PXK: variants seen among roughly 807,000 people sequenced by gnomAD.
PXK encodes the protein PX domain-containing protein kinase-like protein.
PXK carries 35 observed loss-of-function variants against 84.7 expected under a neutral mutation model. That is an observed-to-expected ratio of 0.41 (90% confidence interval 0.32 to 0.55). The LOEUF (loss-of-function observed/expected upper bound fraction) is 0.55. Ranked by LOEUF, PXK falls within the 20% of genes least tolerant of loss-of-function variation. The probability of loss-of-function intolerance (pLI) is 0.21; values close to 1 mark genes in which losing one functional copy is unlikely to be tolerated. For synonymous variants in PXK, 253 were observed against 260.8 expected (o/e 0.97, Z 0.29); for missense variants, 634 against 699.7 (o/e 0.91, Z 1.06).
chr3:58,399,458 T>C lies in PXK; in HGVS notation c.1181+81T>C, dbSNP rs2058236947. On this transcript the variant is annotated intron_variant, in intron 12 of 17. Coordinates refer to ENST00000356151, the MANE Select transcript of PXK (RefSeq NM_017771.5). This position sits in a 1 kb window ranked among gnomAD's most constrained non-coding sequence, Gnocchi z 4.3. ...CACTGTGTCCAAGCACCTGGTACTGTAGTAAAGATTCTTGCGGTCCCTGCA... is the reference window on the plus strand; with the variant it reads ...CACTGTGTCCAAGCACCTGGTACTGCAGTAAAGATTCTTGCGGTCCCTGCA... The C allele has an allele frequency of 1.4e-6, 2 of 1,421,252 alleles. No homozygotes were observed. Among genetic ancestry groups the C allele is most frequent in the South Asian group, 2.4e-5 (2 of 84,292 alleles). 88.0% of individuals were successfully genotyped at this position (1,421,252 alleles called of 1,614,324 possible).
intron 1 of PXK, among the ~76,000 whole-genome samples, chr3:58,361,295 C>CA (rs149879171): frequency 0.041 from 2,619 of 63,326 alleles, 210 homozygotes; most frequent in African/African-American, 0.14. Flanking sequence ...GACTCTGTCT[C>CA]AAAAAAAAAA....
chr3:58,399,202 G>T lies in PXK; in HGVS notation c.1103-97G>T. 1 of 1,044,436 alleles carries T rather than the reference G, an allele frequency of 9.6e-7. No homozygotes were observed. Among genetic ancestry groups the T allele is most frequent in the Non-Finnish European group, 1.5e-6 (1 of 674,814 alleles). The allele number at this position is 1,044,436 out of a possible 1,614,324, so 64.7% of individuals were successfully genotyped here. ...TTTTTGACACTGTCCTGATCAGCCC[G>T]CAGACAGTTATTGCAAAGTGGTGTT... On this transcript the variant is annotated intron_variant, in intron 11 of 17. Coordinates refer to ENST00000356151, the MANE Select transcript of PXK (RefSeq NM_017771.5). This position sits in a 1 kb window ranked among gnomAD's most constrained non-coding sequence, Gnocchi z 4.3.
At chr3:58,404,389 G>A (rs1344117578) in intron 13 of PXK, among the ~76,000 whole-genome samples, 1 of 152,160 alleles carries the variant, frequency 6.6e-6, no homozygotes, top group African/African-American at 2.4e-5. Context: ...TGTGAGGGCT[G>A]CCTGTGCACG....
At chr3:58,404,408 T>C (rs1217913512) in intron 13 of PXK, among the ~76,000 whole-genome samples, 1 of 152,180 alleles carries the variant, frequency 6.6e-6, no homozygotes, top group Non-Finnish European at 1.5e-5. Context: ...CGGTAGGATG[T>C]GAAGCAGCAT....
chr3:58,337,364 A>G (rs35741271), intron 1 of PXK, among the ~76,000 whole-genome samples: 12,200 of 152,306 alleles, frequency 0.08, 590 homozygotes, highest in South Asian at 0.1. Flanking sequence ...ATACTCATTC[A>G]TTCAACAAAA....
chr3:58,365,446 GTA>G (rs1157332566), intron 1 of PXK, among the ~76,000 whole-genome samples: 2 of 152,176 alleles, frequency 1.3e-5, no homozygotes, highest in African/African-American at 4.8e-5. Flanking sequence ...GAAAGAATGT[GTA>G]TTCTGCTGTT....
intron 3 of PXK, among the ~76,000 whole-genome samples, chr3:58,381,373 G>A (rs1164155978): frequency 6.6e-6 from 1 of 151,964 alleles, no homozygotes; most frequent in Non-Finnish European, 1.5e-5. Context: ...AACATCTCTA[G>A]GATAAGGATG....
chr3:58,365,404 C>T (rs951059123), intron 1 of PXK, among the ~76,000 whole-genome samples: 3 of 152,098 alleles, frequency 2.0e-5, no homozygotes, highest in African/African-American at 4.8e-5. Context: ...AGGATATGAT[C>T]TGTATTGGTC....
intron 1 of PXK, among the ~76,000 whole-genome samples, chr3:58,360,377 G>A (rs981770789): frequency 6.6e-6 from 1 of 152,168 alleles, no homozygotes; most frequent in Non-Finnish European, 1.5e-5. Flanking sequence ...TTAAAATGTA[G>A]TTACCAGGTT....
At chr3:58,396,191 GTAATAACCAA>G (rs1293003357) in intron 9 of PXK, among the ~76,000 whole-genome samples, 3 of 152,072 alleles carry the variant, frequency 2.0e-5, no homozygotes, top group Admixed American at 2.0e-4. Flanking sequence ...AACCTTATCA[GTAATAACCAA>G]TTTAATATCC....
intron 17 of PXK, 80 bp downstream of exon 17, chr3:58,413,043 C>T: frequency 6.8e-7 from 1 of 1,473,458 alleles, no homozygotes; most frequent in Non-Finnish European, 9.5e-7. Flanking sequence ...CTGCCTTGGC[C>T]CAACAATTTC....
Position 58,401,732 on chromosome 3 carries a change from C to T in PXK, c.1182-2130C>T, listed in dbSNP as rs2058596318. ...ACAAGGTCAGGAGATCCAGACCATC[C>T]TAGCTAACACGGTGAAACCCTGTCT... is the stretch of plus-strand genomic sequence containing the variant. On this transcript the variant is annotated intron_variant, in intron 12 of 17. Transcript: ENST00000356151. The surrounding 1 kb of genome is among the most constrained non-coding windows in gnomAD (Gnocchi z 4.4). Among the ~76,000 whole-genome samples, 1 of 151,974 alleles carries T rather than the reference C, an allele frequency of 6.6e-6. No individual in the cohort carries two copies. Among genetic ancestry groups the T allele is most frequent in the Admixed American group, 6.6e-5 (1 of 15,250 alleles).
rs35065965 is a variant in PXK, at chr3:58,395,020, C to T, written c.638C>T (p.Thr213Ile). 1,092 of 1,613,246 alleles carry T rather than the reference C, an allele frequency of 6.8e-4. 1 individual carries two copies. The highest frequency in any genetic ancestry group is 8.5e-4 in the Non-Finnish European group (1,004 of 1,179,262). Residue 213 changes from threonine (T) to isoleucine (I), a missense_variant, in exon 8 of 18, where the codon ACC (threonine) becomes ATC (isoleucine). This residue lies in a region of PXK where 353 missense variants were observed against 385.2 expected (regional missense o/e 0.92). Coordinates refer to ENST00000356151, the MANE Select transcript of PXK (RefSeq NM_017771.5). ...CAGCACCCTTACATCTATCGGGTTA[C>T]CTTTGCCACAGCTAATGAATCCTCA... ...SCLHPYIYRV[T>I]FATANESSAL...
intron 2 of PXK, among the ~76,000 whole-genome samples, chr3:58,367,191 TC>T (rs940581506): frequency 4.6e-5 from 7 of 152,068 alleles, no homozygotes; most frequent in African/African-American, 1.7e-4. Flanking sequence ...TGGCCAACAC[TC>T]CTATAACAGA....
Position 58,397,222 on chromosome 3 carries a change from A to C in PXK, c.984+22A>C. 4 of 1,609,398 alleles carry C rather than the reference A, an allele frequency of 2.5e-6. No homozygotes were observed. Among genetic ancestry groups the C allele is most frequent in the Non-Finnish European group, 3.4e-6 (4 of 1,176,048 alleles). On this transcript the variant is annotated intron_variant, in intron 10 of 17. Coordinates refer to ENST00000356151, the MANE Select transcript of PXK (RefSeq NM_017771.5). The surrounding 1 kb of genome is among the most constrained non-coding windows in gnomAD (Gnocchi z 4.7). ...CAATGTAAGTTGCTAAAGTAATGAA[A>C]TAGCAGGTTCATTTTTAGGTGTCAG...
In PXK at chr3:58,399,183, A is replaced by G; in HGVS notation, c.1103-116A>G. On this transcript the variant is annotated intron_variant, in intron 11 of 17. Transcript: ENST00000356151. This position sits in a 1 kb window ranked among gnomAD's most constrained non-coding sequence, Gnocchi z 4.3. The stretch of plus-strand genomic sequence containing the variant: ...ATCTGTCTGTGTGTGAAGATTTTTG[A>G]CACTGTCCTGATCAGCCCGCAGACA... The G allele has an allele frequency of 1.2e-6, 1 of 860,402 alleles. No individual in the cohort carries two copies. The highest frequency in any genetic ancestry group is 1.9e-6 in the Non-Finnish European group (1 of 517,290). 53.3% of individuals were successfully genotyped at this position (860,402 alleles called of 1,614,324 possible).
chr3:58,409,571 C>T lies in PXK; in HGVS notation c.1348C>T (p.His450Tyr). ...HRRLTRAQSH[H>Y]GSEEERKKRK... The stretch of plus-strand genomic sequence containing the variant: ...AAGACTGACAAGAGCTCAGTCCCAC[C>T]ATGGATCTGAGGAGGAAAGAAAAAA... The change falls in exon 15 of 18, where the codon CAT (histidine) becomes TAT (tyrosine). Residue 450 changes from histidine to tyrosine, a missense_variant. Physicochemically the swap from His to Tyr is moderately conservative, Grantham distance 83. Transcript: ENST00000356151. This position sits in a 1 kb window ranked among gnomAD's most constrained non-coding sequence, Gnocchi z 4.2. 1 of 1,613,610 alleles carries T rather than the reference C, an allele frequency of 6.2e-7. No individual in the cohort carries two copies. The highest frequency in any genetic ancestry group is 8.5e-7 in the Non-Finnish European group (1 of 1,179,900).
chr3:58,418,684 C>T (rs1253128676), intron 17 of PXK, among the ~76,000 whole-genome samples: 1 of 152,190 alleles, frequency 6.6e-6, no homozygotes, highest in Non-Finnish European at 1.5e-5. Flanking sequence ...AGCGGTAAAG[C>T]ACTATCAGGT....
In PXK at chr3:58,401,614, A is replaced by T. The variant is rs1193433071; in HGVS notation, c.1181+2237A>T. ...GCACTCCAGCCTAGATGACAGAGTA[A>T]GACCCTGTCTCAAAAATAAAACAAA... On this transcript the variant is annotated intron_variant, in intron 12 of 17. Coordinates refer to ENST00000356151, the MANE Select transcript of PXK (RefSeq NM_017771.5). The surrounding 1 kb of genome is among the most constrained non-coding windows in gnomAD (Gnocchi z 4.4). 6.6e-6 allele frequency among the ~76,000 whole-genome samples: 1 copy of T among 152,032 alleles called. No individual in the cohort carries two copies. The highest frequency in any genetic ancestry group is 1.5e-5 in the Non-Finnish European group (1 of 67,998).
Sources: allele counts gnomAD v4.1 joint callset (sites outside exome capture counted in the v4.1 genomes callset), GRCh38; gene constraint gnomAD v4.1.1; regional missense constraint gnomAD v4.1.1; non-coding constraint Gnocchi (gnomAD v3.1); transcripts MANE v1.5; gene names NCBI Gene and HGNC (gene_info 2026-07-23, HGNC 2026-07-21).